Variants in SLC9A9 observed in about 807,000 individuals in gnomAD.
SLC9A9 encodes the protein sodium/hydrogen exchanger 9.
Under a neutral mutation model 77.8 loss-of-function variants are expected in SLC9A9, and 62 were observed. That is an observed-to-expected ratio of 0.80 (90% confidence interval 0.65 to 0.98). SLC9A9 has a LOEUF of 0.98. Ranked by LOEUF, SLC9A9 falls within the 50% of genes least tolerant of loss-of-function variation. SLC9A9 has a pLI of 0.00. For missense variants in SLC9A9, 775 were observed against 774.9 expected (o/e 1.00, Z 0.00); for synonymous variants, 320 against 283.5 (o/e 1.13, Z -1.29).
chr3:143,566,771 G>A (rs1559970859), intron 8 of SLC9A9, among the ~76,000 whole-genome samples: 2 of 152,038 alleles, frequency 1.3e-5, no homozygotes, highest in Non-Finnish European at 2.9e-5. Flanking sequence ...CATTAGACAT[G>A]GTGTCAATGT....
In SLC9A9 at chr3:143,266,748, T is replaced by C. The variant is rs1258445020; in HGVS notation, c.1892A>G (p.Tyr631Cys). The C allele has an allele frequency of 3.1e-6, 5 of 1,614,184 alleles. No individual in the cohort carries two copies. Among genetic ancestry groups the C allele is most frequent in the Admixed American group, 1.7e-5 (1 of 60,026 alleles). Residue 631 changes from tyrosine to cysteine, a missense_variant, in exon 16 of 16, where the codon TAT becomes TGT. Coordinates refer to ENST00000316549, the MANE Select transcript of SLC9A9 (RefSeq NM_173653.4). ...CAAAGTTTGCTCAAGCTTGAGTTCA[T>C]AGCCTCCCAGGCCGAGGTCTCCCTC... is the stretch of plus-strand genomic sequence containing the variant. ...IYEGDLGLGG[Y>C]ELKLEQTLGQ...
intron 6 of SLC9A9, among the ~76,000 whole-genome samples, chr3:143,606,436 C>CTCTCTATATATATATATATATATATA (rs1419410834): frequency 3.7e-5 from 2 of 54,188 alleles, no homozygotes; most frequent in Non-Finnish European, 6.4e-5. Flanking sequence ...CTCTCTCTCT[C>CTCTCTATATATATATATATATATATA]TATATATATA....
Position 143,438,389 on chromosome 3 carries a change from G to GT in SLC9A9, c.1469+28647dup, listed in dbSNP as rs567374914. On this transcript the variant is annotated intron_variant, in intron 12 of 15. Coordinates refer to ENST00000316549, the MANE Select transcript of SLC9A9 (RefSeq NM_173653.4). Reference sequence around the variant, plus strand: ...CCCAGAGTTCTGTGTTTAAGGAACAGTGTGGAGACAGGTTCCATCAAGGAT... The same window carrying GT: ...CCCAGAGTTCTGTGTTTAAGGAACAGTTGTGGAGACAGGTTCCATCAAGGAT... Among the ~76,000 whole-genome samples, 626 of 152,318 alleles carry GT rather than the reference G, an allele frequency of 4.1e-3. 2 individuals are homozygous for GT. Among genetic ancestry groups the GT allele is most frequent in the African/African-American group, 0.015 (612 of 41,576 alleles).
chr3:143,291,266 ATTT>A, intron 14 of SLC9A9, among the ~76,000 whole-genome samples: 1 of 152,104 alleles, frequency 6.6e-6, no homozygotes, highest in South Asian at 2.1e-4. Flanking sequence ...CTCCCAGCTG[ATTT>A]GGCTGTCAGT....
intron 4 of SLC9A9, among the ~76,000 whole-genome samples, chr3:143,779,441 G>A (rs923895442): frequency 1.6e-4 from 24 of 151,924 alleles, no homozygotes; most frequent in Admixed American, 4.6e-4. Context: ...GCACAATCTC[G>A]GCTCACTGCA....
chr3:143,534,543 AT>A (rs966522589), intron 9 of SLC9A9, among the ~76,000 whole-genome samples: 3 of 151,504 alleles, frequency 2.0e-5, no homozygotes, highest in Non-Finnish European at 2.9e-5. Context: ...AGATGGTGGG[AT>A]TTTTTTTTAG....
At chr3:143,700,443 G>A (rs1454651701) in intron 4 of SLC9A9, among the ~76,000 whole-genome samples, 2 of 152,198 alleles carry the variant, frequency 1.3e-5, no homozygotes, top group African/African-American at 4.8e-5. Flanking sequence ...CTACTGCTCG[G>A]AAGAGTGAGT....
intron 12 of SLC9A9, among the ~76,000 whole-genome samples, chr3:143,444,013 C>T (rs1375187773): frequency 6.6e-6 from 1 of 152,092 alleles, no homozygotes; most frequent in Non-Finnish European, 1.5e-5. Context: ...GACTTAACAT[C>T]CCTTCACTCC....
At chr3:143,574,760 A>G (rs2037327515) in intron 7 of SLC9A9, among the ~76,000 whole-genome samples, 1 of 152,200 alleles carries the variant, frequency 6.6e-6, no homozygotes, top group African/African-American at 2.4e-5. Flanking sequence ...TCCATTATTA[A>G]TGAACCATTA....
intron 14 of SLC9A9, among the ~76,000 whole-genome samples, chr3:143,334,788 A>G (rs185051603): frequency 6.6e-6 from 1 of 152,288 alleles, no homozygotes; most frequent in East Asian, 1.9e-4. Flanking sequence ...GATAGCCCCA[A>G]CTCATAAAGA....
At chr3:143,460,967 T>A (rs1241004088) in intron 12 of SLC9A9, among the ~76,000 whole-genome samples, 1 of 152,198 alleles carries the variant, frequency 6.6e-6, no homozygotes, top group Non-Finnish European at 1.5e-5. Flanking sequence ...GGAATAAATC[T>A]ACATTCAAAT....
At chr3:143,566,588 G>A (rs916725404) in intron 8 of SLC9A9, among the ~76,000 whole-genome samples, 1 of 148,900 alleles carries the variant, frequency 6.7e-6, no homozygotes, top group African/African-American at 2.5e-5. Context: ...TTAAATGGAA[G>A]TCATTCTAAG....
intron 4 of SLC9A9, among the ~76,000 whole-genome samples, chr3:143,706,647 G>C (rs943068932): frequency 2.0e-5 from 3 of 152,168 alleles, no homozygotes; most frequent in Non-Finnish European, 4.4e-5. Context: ...GAAGACTGCG[G>C]ATTGCCTGGC....
intron 14 of SLC9A9, among the ~76,000 whole-genome samples, chr3:143,304,901 C>T (rs1056187442): frequency 2.0e-5 from 3 of 152,202 alleles, no homozygotes; most frequent in Non-Finnish European, 4.4e-5. Flanking sequence ...CCCCTATACA[C>T]TTTTCTGCAG....
intron 2 of SLC9A9, 48 bp downstream of exon 2, chr3:143,831,971 A>G (rs928503414): frequency 7.2e-6 from 11 of 1,522,890 alleles, no homozygotes; most frequent in African/African-American, 2.8e-5. Context: ...ATATGATACA[A>G]TTATTTATAC....
At chr3:143,613,575 T>C (rs879611608) in intron 6 of SLC9A9, among the ~76,000 whole-genome samples, 1 of 152,210 alleles carries the variant, frequency 6.6e-6, no homozygotes, top group Non-Finnish European at 1.5e-5. Context: ...TAAGGTCTGA[T>C]GGTAGAATTA....
chr3:143,687,422 A>G (rs940016866), intron 5 of SLC9A9, among the ~76,000 whole-genome samples: 1 of 152,116 alleles, frequency 6.6e-6, no homozygotes, highest in African/African-American at 2.4e-5. Context: ...CTTAAATTGC[A>G]CCAATTTAGC....
At chr3:143,415,362 G>C (rs2034173429) in intron 12 of SLC9A9, among the ~76,000 whole-genome samples, 1 of 152,192 alleles carries the variant, frequency 6.6e-6, no homozygotes, top group Admixed American at 6.5e-5. Context: ...AGAAGCCAAA[G>C]CCTGGCTTCA....
At chr3:143,598,224 A>G (rs1340043556) in intron 6 of SLC9A9, among the ~76,000 whole-genome samples, 2 of 152,190 alleles carry the variant, frequency 1.3e-5, no homozygotes, top group Non-Finnish European at 2.9e-5. Flanking sequence ...TGTAATAAGT[A>G]GCTGCAGCTG....
Sources: allele counts gnomAD v4.1 joint callset (sites outside exome capture counted in the v4.1 genomes callset), GRCh38; gene constraint gnomAD v4.1.1; transcripts MANE v1.5; gene names NCBI Gene and HGNC (gene_info 2026-07-23, HGNC 2026-07-21).